TENM4: variants seen among roughly 807,000 people sequenced by gnomAD.
The protein encoded by TENM4 is teneurin-4.
In TENM4, 82 loss-of-function variants were observed where a neutral mutation model predicts 243.3. The observed-to-expected ratio is 0.34, with a 90% CI of 0.28 to 0.40. The LOEUF is 0.40. TENM4 is among the 10% of genes least tolerant of loss of function. TENM4 has a pLI of 1.00. For synonymous variants in TENM4, 1,412 were observed against 1,456.3 expected (o/e 0.97, Z 0.69); for missense variants, 3,138 against 3,673.3 (o/e 0.85, Z 3.77).
chr11:78,819,361 C>T (rs574455324), intron 12 of TENM4, among the ~76,000 whole-genome samples: 1 of 152,338 alleles, frequency 6.6e-6, no homozygotes, highest in South Asian at 2.1e-4. Context: ...CCCTCATTTG[C>T]ATCCTTCTGG....
chr11:79,107,809 C>T (rs1861410075), intron 4 of TENM4, among the ~76,000 whole-genome samples: 1 of 152,152 alleles, frequency 6.6e-6, no homozygotes, highest in Admixed American at 6.6e-5. Flanking sequence ...ATGAACATTC[C>T]AAGCTTTGAG....
At position 79,363,008 on chromosome 11, in the gene TENM4, G is replaced by A. The variant is rs145525632; in HGVS notation, c.-320-65465C>T. 2.1e-3 allele frequency among the ~76,000 whole-genome samples: 322 copies of A among 152,302 alleles called. 2 individuals carry two copies. Among genetic ancestry groups the A allele is most frequent in the African/African-American group, 7.2e-3 (298 of 41,562 alleles). ...GCCTGACTGGCGATTAGTCTGACGT[G>A]GATGACAAGCAGATCATTGGACACT... is the stretch of plus-strand genomic sequence containing the variant. On this transcript the variant is annotated intron_variant, in intron 1 of 33. Coordinates refer to ENST00000278550, the MANE Select transcript of TENM4 (RefSeq NM_001098816.3).
chr11:78,960,647 A>G (rs2136529202), intron 6 of TENM4, among the ~76,000 whole-genome samples: 1 of 152,128 alleles, frequency 6.6e-6, no homozygotes, highest in African/African-American at 2.4e-5. Context: ...ACACCTCACT[A>G]ATTTCTTCAA....
chr11:78,908,106 A>G (rs184640715), intron 6 of TENM4, among the ~76,000 whole-genome samples: 24 of 152,100 alleles, frequency 1.6e-4, no homozygotes, highest in Admixed American at 5.9e-4. Context: ...TCCTGGCTGC[A>G]CCTCCCTGAA....
chr11:78,657,272 G>C lies in TENM4; in HGVS notation c.*786C>G, dbSNP rs1857919037. 2.5e-6 allele frequency: 1 copy of C among 398,514 alleles called. No individual in the cohort carries two copies. The highest frequency in any genetic ancestry group is 4.4e-6 in the Non-Finnish European group (1 of 226,192). 24.7% of individuals were successfully genotyped at this position (398,514 alleles called of 1,614,324 possible). A position where few individuals can be genotyped will look rare whatever the true frequency, so the allele number is the denominator to read the frequency against. On this transcript the variant is annotated 3_prime_UTR_variant, in exon 34 of 34. Coordinates refer to ENST00000278550, the MANE Select transcript of TENM4 (RefSeq NM_001098816.3). Reference sequence around the variant, plus strand: ...CCGGGAGGATGGGACTCTGAGCCCAGGATGTTATGTCACTGGTCTGGGGGA... The same window carrying C: ...CCGGGAGGATGGGACTCTGAGCCCACGATGTTATGTCACTGGTCTGGGGGA...
intron 16 of TENM4, among the ~76,000 whole-genome samples, chr11:78,782,644 T>C (rs1344603910): frequency 6.6e-6 from 1 of 152,114 alleles, no homozygotes; most frequent in African/African-American, 2.4e-5. Context: ...TGCACACCTA[T>C]AGTCCCACCT....
intron 7 of TENM4, among the ~76,000 whole-genome samples, chr11:78,899,616 G>T (rs182306844): frequency 6.6e-6 from 1 of 152,020 alleles, no homozygotes; most frequent in African/African-American, 2.4e-5. Flanking sequence ...GTTAGAGGTG[G>T]GGCCTAATGG....
chr11:78,895,149 C>T (rs1327340623), intron 7 of TENM4, among the ~76,000 whole-genome samples: 3 of 151,842 alleles, frequency 2.0e-5, no homozygotes, highest in Non-Finnish European at 2.9e-5. Flanking sequence ...CGAGACCATC[C>T]TGGCTAACAC....
At chr11:79,282,491 G>T (rs1386265144) in intron 2 of TENM4, among the ~76,000 whole-genome samples, 1 of 152,214 alleles carries the variant, frequency 6.6e-6, no homozygotes, top group African/African-American at 2.4e-5. Flanking sequence ...CAGAGAAACT[G>T]CTGGCTTCCA....
At chr11:78,683,356 G>A (rs1465027142) in intron 29 of TENM4, among the ~76,000 whole-genome samples, 2 of 74,854 alleles carry the variant, frequency 2.7e-5, no homozygotes, top group Admixed American at 1.1e-4. Flanking sequence ...CCTGGGCTAT[G>A]GCGGGCGCCC....
intron 3 of TENM4, among the ~76,000 whole-genome samples, chr11:79,163,774 CACAT>C (rs1862811883): frequency 4.3e-5 from 5 of 115,658 alleles, no homozygotes; most frequent in African/African-American, 1.7e-4. Flanking sequence ...TATATACACA[CACAT>C]ACATATATAT....
At chr11:79,245,236 C>T (rs547606558) in intron 2 of TENM4, among the ~76,000 whole-genome samples, 1 of 152,334 alleles carries the variant, frequency 6.6e-6, no homozygotes, top group East Asian at 1.9e-4. Context: ...GATTGACTGA[C>T]TGACTTGACA....
chr11:78,854,249 C>T lies in TENM4; in HGVS notation c.1536G>A (p.Gly512=), dbSNP rs1395282095. ...LLTQEARSLE[G]TPRQSRGTVP... Reference sequence around the variant, plus strand: ...CAGTTCCCCGAGACTGGCGCGGGGTCCCCTCTAGGCTCCGCGCCTCCTGGG... The same window carrying T: ...CAGTTCCCCGAGACTGGCGCGGGGTTCCCTCTAGGCTCCGCGCCTCCTGGG... The change falls in exon 12 of 34, where the codon GGG becomes GGA. Residue 512 remains glycine, a synonymous_variant. Transcript: ENST00000278550. 6.5e-7 allele frequency: 1 copy of T among 1,547,476 alleles called. No homozygotes were observed. Among genetic ancestry groups the T allele is most frequent in the Non-Finnish European group, 8.7e-7 (1 of 1,144,550 alleles).
At chr11:79,178,777 T>A (rs1248583964) in intron 3 of TENM4, among the ~76,000 whole-genome samples, 1 of 152,218 alleles carries the variant, frequency 6.6e-6, no homozygotes, top group Non-Finnish European at 1.5e-5. Flanking sequence ...ACAGTCACAG[T>A]ATCTGGCACA....
chr11:79,095,529 G>A lies in TENM4; in HGVS notation c.-65-25520C>T, dbSNP rs112395924. Among the ~76,000 whole-genome samples the A allele has an allele frequency of 3.4e-3, 520 of 152,244 alleles. 1 individual carries two copies. Among genetic ancestry groups the A allele is most frequent in the African/African-American group, 0.012 (494 of 41,532 alleles). ...ATCTGCCCTGGGAAGTTTATAAAAC[G>A]GGATGGACTCCCTTACCAAGGCTGA... is the stretch of plus-strand genomic sequence containing the variant. On this transcript the variant is annotated intron_variant, in intron 4 of 33. Coordinates refer to ENST00000278550, the MANE Select transcript of TENM4 (RefSeq NM_001098816.3).
intron 4 of TENM4, among the ~76,000 whole-genome samples, chr11:79,141,864 A>G (rs1439452631): frequency 6.6e-6 from 1 of 152,144 alleles, no homozygotes; most frequent in African/African-American, 2.4e-5. Context: ...TCAATGTGAT[A>G]TATCATATTA....
At chr11:78,700,465 G>A (rs1272264077) in intron 28 of TENM4, among the ~76,000 whole-genome samples, 4 of 152,172 alleles carry the variant, frequency 2.6e-5, no homozygotes, top group African/African-American at 9.7e-5. Context: ...AACAAGGCTA[G>A]TTCCTTCCCC....
In TENM4 at chr11:78,761,369, A is replaced by C. The variant is rs530292032; in HGVS notation, c.2540-4348T>G. Among the ~76,000 whole-genome samples, 592 of 151,782 alleles carry C rather than the reference A, an allele frequency of 3.9e-3. 2 individuals are homozygous for C. Among genetic ancestry groups the C allele is most frequent in the African/African-American group, 0.014 (560 of 41,350 alleles). Reference sequence around the variant, plus strand: ...ATTCTCCTGCCTCAGCCTCCCGTGTAGCTGGGACTACAGGCACCTGCCACC... The same window carrying C: ...ATTCTCCTGCCTCAGCCTCCCGTGTCGCTGGGACTACAGGCACCTGCCACC... On this transcript the variant is annotated intron_variant, in intron 18 of 33. Transcript: ENST00000278550.
intron 6 of TENM4, among the ~76,000 whole-genome samples, chr11:78,920,591 A>AT (rs757024870): frequency 5.6e-4 from 85 of 150,500 alleles, no homozygotes; most frequent in African/African-American, 1.3e-3. Flanking sequence ...ACTCACATTG[A>AT]TTTTTTTTTT....
Sources: gnomAD v4.1 joint callset for allele counts (sites outside exome capture counted in the v4.1 genomes callset) on GRCh38, gnomAD v4.1.1 for gene constraint, MANE v1.5 for transcripts, NCBI Gene and HGNC (gene_info 2026-07-23, HGNC 2026-07-21) for gene names.